The following HID1 variants were observed in gnomAD, a reference collection of about 807,000 sequenced individuals.
HID1 encodes protein HID1.
In HID1, 42 loss-of-function variants were observed where a neutral mutation model predicts 89.7. That is an observed-to-expected ratio of 0.47 (90% CI 0.37 to 0.61). The LOEUF (loss-of-function observed/expected upper bound fraction) is 0.61. Among genes scored for constraint, HID1 ranks in the 20% least tolerant of loss-of-function variants. The pLI is 0.00. For synonymous variants in HID1, 442 were observed against 433.8 expected (o/e 1.02, Z -0.24); for missense variants, 854 against 1,039.3 (o/e 0.82, Z 2.45).
chr17:74,972,747 T>G lies in HID1; in HGVS notation c.-91A>C. ...GCTCCAGCTCCGCGGCCCCCGCGGC[T>G]CTCGCAGGAGACAAGCGGCGCGCCC... is the stretch of plus-strand genomic sequence containing the variant. On this transcript the variant is annotated 5_prime_UTR_variant, in exon 1 of 19. Coordinates refer to ENST00000425042, the MANE Select transcript of HID1 (RefSeq NM_030630.3). The surrounding 1 kb of genome is among the most constrained non-coding windows in gnomAD (Gnocchi z 6.4). The G allele has an allele frequency of 7.9e-7, 1 of 1,258,022 alleles. No individual in the cohort carries two copies. The highest frequency in any genetic ancestry group is 1.1e-6 in the Non-Finnish European group (1 of 939,094). The allele number at this position is 1,258,022 out of a possible 1,614,324, so 77.9% of individuals were successfully genotyped here.
rs532617839 is a variant in HID1 at position 74,969,769 on chromosome 17, T to A, written c.66+2822A>T. 7.3e-5 allele frequency among the ~76,000 whole-genome samples: 11 copies of A among 151,510 alleles called. No homozygotes were observed. In the East Asian group the frequency reaches 1.8e-3, roughly 24 times the overall value. On this transcript the variant is annotated intron_variant, in intron 1 of 18. Transcript: ENST00000425042. The stretch of plus-strand genomic sequence containing the variant: ...GGCGCACCCCACCCAGCCCAGCTAA[T>A]TTTTTTTATTTTTTAGAGATAGGGT...
In HID1 at chr17:74,951,510, G is replaced by A; in HGVS notation, c.*60C>T. Reference sequence around the variant, plus strand: ...TTAAAGCTCAGAATGGTGGATGGGGGAAGCCTCAGGGACCAAGGCCCTGCC... The same window carrying A: ...TTAAAGCTCAGAATGGTGGATGGGGAAAGCCTCAGGGACCAAGGCCCTGCC... On this transcript the variant is annotated 3_prime_UTR_variant, in exon 19 of 19. Transcript: ENST00000425042. 1 of 1,487,168 alleles carries A rather than the reference G, an allele frequency of 6.7e-7. No individual in the cohort carries two copies. The highest frequency in any genetic ancestry group is 9.3e-7 in the Non-Finnish European group (1 of 1,079,360). The allele number at this position is 1,487,168 out of a possible 1,614,324, so 92.1% of individuals were successfully genotyped here.
intron 1 of HID1, among the ~76,000 whole-genome samples, chr17:74,970,498 G>A (rs1035882374): frequency 6.6e-6 from 1 of 152,182 alleles, no homozygotes; most frequent in Non-Finnish European, 1.5e-5. Flanking sequence ...GTCTGGGACT[G>A]TCTCCCTCCA....
intron 1 of HID1, among the ~76,000 whole-genome samples, chr17:74,971,042 C>G (rs2144835063): frequency 6.6e-6 from 1 of 152,304 alleles, no homozygotes; most frequent in East Asian, 1.9e-4. Context: ...GGGCTGTAGC[C>G]AGGGAAAGAC....
Position 74,955,805 on chromosome 17 carries a change from CTGGA to C in HID1, c.1619_1622del (p.Ile540SerfsTer86). On this transcript the variant is annotated frameshift_variant, in exon 13 of 19. Coordinates refer to ENST00000425042, the MANE Select transcript of HID1 (RefSeq NM_030630.3). LOFTEE classifies it high-confidence loss of function. ...CTGGTGCCTCACCATCAAACTGGTA[CTGGA>C]TGATGTTGTTGAAGACCTCCAGGAG... 1 of 1,614,098 alleles carries C rather than the reference CTGGA, an allele frequency of 6.2e-7. No homozygotes were observed. Among genetic ancestry groups the C allele is most frequent in the Non-Finnish European group, 8.5e-7 (1 of 1,179,980 alleles).
chr17:74,958,535 G>A lies in HID1; in HGVS notation c.1241-57C>T. 2 of 1,575,934 alleles carry A rather than the reference G, an allele frequency of 1.3e-6. No individual in the cohort carries two copies. Among genetic ancestry groups the A allele is most frequent in the South Asian group, 1.2e-5 (1 of 86,904 alleles). On this transcript the variant is annotated intron_variant, in intron 10 of 18. Coordinates refer to ENST00000425042, the MANE Select transcript of HID1 (RefSeq NM_030630.3). The surrounding 1 kb of genome is among the most constrained non-coding windows in gnomAD (Gnocchi z 5.2). ...GGTGGGAGGGGGAAGGAGGGGCCCA[G>A]GCAGTGACCATTTTGGAGGCCTCCC...
chr17:74,954,080 T>C, intron 14 of HID1, 58 bp downstream of exon 14: 1 of 1,472,034 alleles, frequency 6.8e-7, no homozygotes, highest in East Asian at 2.4e-5. Flanking sequence ...CCCGAGACCA[T>C]GTCCCTCCCC....
rs1246347723 is a variant in HID1, at chr17:74,964,530, C to T, written c.169G>A (p.Ala57Thr). 1 of 1,610,086 alleles carries T rather than the reference C, an allele frequency of 6.2e-7. No individual in the cohort carries two copies. The highest frequency in any genetic ancestry group is 1.3e-5 in the African/African-American group (1 of 75,000). ...TTGGAGGGTGACTCTTCCCGCACGG[C>T]CCGGATCTCTGCTGCCGGCACCAGT... ...FALVPAAEIR[A>T]VREESPSNLA... is the part of the protein sequence containing the mutation. The change falls in exon 2 of 19, where the codon GCC becomes ACC. Residue 57 changes from alanine (A) to threonine (T), a missense_variant. By Grantham distance (58) the Ala-to-Thr change is moderately conservative. Transcript: ENST00000425042.
At chr17:74,964,448 T>G (rs1598631129) in intron 2 of HID1, 35 bp downstream of exon 2, 1 of 1,588,402 alleles carries the variant, frequency 6.3e-7, no homozygotes. Context: ...GCTGGGAGGG[T>G]GGAAGAGTAG....
chr17:74,959,220 C>G lies in HID1; in HGVS notation c.1009-169G>C, dbSNP rs2039443182. ...CCATAGCTGTCCTGGGGCGATGCCT[C>G]AGGAAGCGGAGTCCCTCATAGCTGT... On this transcript the variant is annotated intron_variant, in intron 8 of 18. Transcript: ENST00000425042. This position sits in a 1 kb window ranked among gnomAD's most constrained non-coding sequence, Gnocchi z 4.6. 6.6e-6 allele frequency among the ~76,000 whole-genome samples: 1 copy of G among 151,980 alleles called. No individual in the cohort carries two copies. Among genetic ancestry groups the G allele is most frequent in the East Asian group, 1.9e-4 (1 of 5,174 alleles).
chr17:74,954,257 C>A lies in HID1; in HGVS notation c.1745G>T (p.Arg582Leu), dbSNP rs566625537. The A allele has an allele frequency of 1.3e-6, 2 of 1,588,298 alleles. No homozygotes were observed. Among genetic ancestry groups the A allele is most frequent in the Non-Finnish European group, 1.7e-6 (2 of 1,168,406 alleles). ...GCGAGACAAGGGCTCAGGTGTCCGC[C>A]GGCGCCGCTGCAGGGCCTTGTGAAT... ...PTIHKALQRR[R>L]RTPEPLSRTG... The change falls in exon 14 of 19, where the codon CGG becomes CTG. Residue 582 changes from arginine (R) to leucine (L), a missense_variant. Arg to Leu is a moderately radical substitution (Grantham distance 102). Coordinates refer to ENST00000425042, the MANE Select transcript of HID1 (RefSeq NM_030630.3).
At chr17:74,953,111 T>C (rs2039331988) in intron 15 of HID1, 25 bp from the exon 16 acceptor site, 1 of 1,571,866 alleles carries the variant, frequency 6.4e-7, no homozygotes, top group South Asian at 1.2e-5. Flanking sequence ...GGAACAGGGG[T>C]GAGGGATGGT....
rs1489641866 is a variant in HID1 at position 74,958,116 on chromosome 17, G to A, written c.1471+25C>T. The stretch of plus-strand genomic sequence containing the variant: ...CTGACACCACCTGGTGGTGAGCGCG[G>A]GGAGTGCAAGCTCCGGGCCCCTACC... On this transcript the variant is annotated intron_variant, in intron 12 of 18. Coordinates refer to ENST00000425042, the MANE Select transcript of HID1 (RefSeq NM_030630.3). The surrounding 1 kb of genome is among the most constrained non-coding windows in gnomAD (Gnocchi z 5.2). 1 of 1,581,496 alleles carries A rather than the reference G, an allele frequency of 6.3e-7. No homozygotes were observed. The highest frequency in any genetic ancestry group is 1.3e-5 in the African/African-American group (1 of 74,368).
In HID1 at chr17:74,958,089, G is replaced by A; in HGVS notation, c.1471+52C>T. 1 of 1,526,796 alleles carries A rather than the reference G, an allele frequency of 6.5e-7. No individual in the cohort carries two copies. The highest frequency in any genetic ancestry group is 8.9e-7 in the Non-Finnish European group (1 of 1,127,672). 94.6% of individuals were successfully genotyped at this position (1,526,796 alleles called of 1,614,324 possible). ...GGAGCAAGTGGCAGGTTGGCCTGTG[G>A]CCTGACACCACCTGGTGGTGAGCGC... On this transcript the variant is annotated intron_variant, in intron 12 of 18. Transcript: ENST00000425042. This position sits in a 1 kb window ranked among gnomAD's most constrained non-coding sequence, Gnocchi z 5.2.
rs2039497911 is a variant in HID1, at chr17:74,962,492, T to G, written c.505-152A>C. ...GGTCCTCAAAATGGCCTGGCCCTCA[T>G]GCACAAGAGCAGGAGTGAATATTCT... On this transcript the variant is annotated intron_variant, in intron 4 of 18. Transcript: ENST00000425042. This position sits in a 1 kb window ranked among gnomAD's most constrained non-coding sequence, Gnocchi z 4.3. The G allele has an allele frequency of 1.8e-6, 1 of 559,638 alleles. No individual in the cohort carries two copies. Among genetic ancestry groups the G allele is most frequent in the Non-Finnish European group, 3.3e-6 (1 of 305,144 alleles). The allele number at this position is 559,638 out of a possible 1,614,324, so 34.7% of individuals were successfully genotyped here. A position where few individuals can be genotyped will look rare whatever the true frequency, so the allele number is the denominator to read the frequency against.
In HID1 at chr17:74,958,666, G is replaced by A; in HGVS notation, c.1240+7C>T. 6.4e-7 allele frequency: 1 copy of A among 1,563,770 alleles called. No individual in the cohort carries two copies. Among genetic ancestry groups the A allele is most frequent in the Non-Finnish European group, 8.8e-7 (1 of 1,136,996 alleles). ...CCCCCAGCATCCCACCCCCACCCTG[G>A]TCTTACACTGATCGGCCCGGGCATC... On this transcript the variant is annotated splice_region_variant and intron_variant, in intron 10 of 18. Transcript: ENST00000425042. The surrounding 1 kb of genome is among the most constrained non-coding windows in gnomAD (Gnocchi z 5.2).
chr17:74,954,486 G>T, intron 13 of HID1, 121 bp from the exon 14 acceptor site: 2 of 1,517,160 alleles, frequency 1.3e-6, no homozygotes, highest in South Asian at 2.4e-5. Context: ...CAAGGGGTTG[G>T]AGATGGTACA....
In HID1 at chr17:74,958,314, CGA is replaced by C. The variant is rs1567960018; in HGVS notation, c.1392+11_1392+12del. 23 of 1,612,456 alleles carry C rather than the reference CGA, an allele frequency of 1.4e-5. No homozygotes were observed. The highest frequency in any genetic ancestry group is 2.0e-5 in the Non-Finnish European group (23 of 1,179,398). On this transcript the variant is annotated intron_variant, in intron 11 of 18. Coordinates refer to ENST00000425042, the MANE Select transcript of HID1 (RefSeq NM_030630.3). The surrounding 1 kb of genome is among the most constrained non-coding windows in gnomAD (Gnocchi z 5.2). ...CCTGCACCTCCTGGGCCCGGCCGCA[CGA>C]GCCCCCTCACCACAATGAGCAGGTC...
chr17:74,960,293 C>CA, intron 6 of HID1, 45 bp from the exon 7 acceptor site: 1 of 1,537,186 alleles, frequency 6.5e-7, no homozygotes, highest in Non-Finnish European at 8.8e-7. Flanking sequence ...CACTGGGGCC[C>CA]AGCCCCCTGG....
Sources: allele counts gnomAD v4.1 joint callset (sites outside exome capture counted in the v4.1 genomes callset), GRCh38; gene constraint gnomAD v4.1.1; non-coding constraint Gnocchi (gnomAD v3.1); transcripts MANE v1.5; gene names NCBI Gene and HGNC (gene_info 2026-07-23, HGNC 2026-07-21).